GLYATL2: variants seen among roughly 807,000 people sequenced by gnomAD.
GLYATL2 encodes the protein glycine-N-acyltransferase like 2, also known as glycine N-acyltransferase-like protein 2.
GLYATL2 carries 25 observed loss-of-function variants against 21.4 expected under a neutral mutation model. That is an observed-to-expected ratio of 1.17 (90% confidence interval 0.85 to 1.63). The LOEUF (loss-of-function observed/expected upper bound fraction) is 1.63, where lower values mean the gene tolerates loss of function less well. Among genes scored for constraint, GLYATL2 ranks in the 40% most tolerant of loss-of-function variants. The pLI, the probability that GLYATL2 is intolerant of heterozygous loss-of-function variation, is 0.00. For synonymous variants in GLYATL2, 114 were observed against 118.2 expected (o/e 0.96, Z 0.23); for missense variants, 361 against 343.3 (o/e 1.05, Z -0.41).
Position 58,838,385 on chromosome 11 carries a change from C to A in GLYATL2, c.79-17G>T. ...GCCATATACCTACGATGCAACAGAACAAAGCAGGAGAGGATGAAGTTCTTC... is the reference window on the plus strand; with the variant it reads ...GCCATATACCTACGATGCAACAGAAAAAAGCAGGAGAGGATGAAGTTCTTC... On this transcript the variant is annotated splice_polypyrimidine_tract_variant and intron_variant, in intron 2 of 5. Transcript: ENST00000287275. The A allele has an allele frequency of 6.7e-7, 1 of 1,494,888 alleles. No individual in the cohort carries two copies. The highest frequency in any genetic ancestry group is 1.1e-5 in the South Asian group (1 of 88,106). The allele number at this position is 1,494,888 out of a possible 1,614,324, so 92.6% of individuals were successfully genotyped here.
rs1400341728 is a variant in GLYATL2 at position 58,855,876 on chromosome 11, C to T, written n.61-17508G>A. Among the ~76,000 whole-genome samples the T allele has an allele frequency of 2.6e-5, 4 of 152,160 alleles. 1 individual carries two copies. Among genetic ancestry groups the T allele is most frequent in the Admixed American group, 2.6e-4 (4 of 15,284 alleles). On this transcript the variant is annotated intron_variant and non_coding_transcript_variant, in intron 1 of 4. Coordinates refer to the GLYATL2 transcript ENST00000533636. ...TGGTGGCTCATGCCTGTAATCCCAG[C>T]TCTTTGGGAGGCTGAGTTTGGTGGA...
At chr11:58,849,283 GA>G (rs1490741198), upstream of GLYATL2, among the ~76,000 whole-genome samples, 1 of 152,098 alleles carries the variant, frequency 6.6e-6, no homozygotes, top group African/African-American at 2.4e-5. Context: ...CACACGAACA[GA>G]CAGAATATTA....
chr11:58,902,573 C>A (rs1854758289), intron 1 of GLYATL2, among the ~76,000 whole-genome samples: 1 of 152,140 alleles, frequency 6.6e-6, no homozygotes, highest in Admixed American at 6.5e-5. Flanking sequence ...ATGAAGGAAT[C>A]CCTTTCCATA....
intron 1 of GLYATL2, among the ~76,000 whole-genome samples, chr11:58,889,830 A>G (rs192836973): frequency 4.1e-4 from 63 of 152,276 alleles, no homozygotes; most frequent in Non-Finnish European, 8.2e-4. Flanking sequence ...TCCTTGCCAG[A>G]TTTGGCATTA....
At chr11:58,847,782 C>G (rs1421107043), upstream of GLYATL2, among the ~76,000 whole-genome samples, 1 of 152,188 alleles carries the variant, frequency 6.6e-6, no homozygotes, top group African/African-American at 2.4e-5. Flanking sequence ...GGGAAGCACA[C>G]AGGCCTTGCT....
chr11:58,839,178 G>T (rs548043444), intron 2 of GLYATL2, among the ~76,000 whole-genome samples: 54 of 152,192 alleles, frequency 3.5e-4, no homozygotes, highest in Non-Finnish European at 5.7e-4. Flanking sequence ...CTGCAAATTT[G>T]CTATGGCAAA....
At chr11:58,868,540 C>A (rs1277018934) in intron 1 of GLYATL2, among the ~76,000 whole-genome samples, 1 of 149,146 alleles carries the variant, frequency 6.7e-6, no homozygotes, top group Non-Finnish European at 1.5e-5. Flanking sequence ...ATTCAGCTGT[C>A]TTTCTTGGCA....
chr11:58,865,367 G>T (rs1342636650), intron 1 of GLYATL2, among the ~76,000 whole-genome samples: 1 of 148,850 alleles, frequency 6.7e-6, no homozygotes, highest in Non-Finnish European at 1.5e-5. Flanking sequence ...AGGACTTGTT[G>T]TTCAAGATAT....
chr11:58,888,291 T>C lies in GLYATL2; in HGVS notation n.60+15865A>G, dbSNP rs1421274977. ...TACTTGATTGATGGAGATTTTGACA[T>C]GAAGAAATTTTGAATTTTCATGTAA... On this transcript the variant is annotated intron_variant and non_coding_transcript_variant, in intron 1 of 4. Coordinates refer to the GLYATL2 transcript ENST00000533636. Among the ~76,000 whole-genome samples the C allele has an allele frequency of 4.6e-5, 7 of 152,240 alleles. No homozygotes were observed. The South Asian group carries it at 6.2e-4, about 14-fold the overall frequency.
At chr11:58,849,610 A>C (rs2134585389), upstream of GLYATL2, among the ~76,000 whole-genome samples, 1 of 152,354 alleles carries the variant, frequency 6.6e-6, no homozygotes, top group African/African-American at 2.4e-5. Context: ...AATTCTACCA[A>C]ACATTTAAAG....
chr11:58,853,893 T>C (rs1263139013), intron 1 of GLYATL2, among the ~76,000 whole-genome samples: 1 of 152,170 alleles, frequency 6.6e-6, no homozygotes, highest in Non-Finnish European at 1.5e-5. Flanking sequence ...TGCTGCACAA[T>C]AGATTTATTG....
upstream of GLYATL2, among the ~76,000 whole-genome samples, chr11:58,906,486 G>A (rs1339262735): frequency 6.6e-6 from 1 of 152,090 alleles, no homozygotes; most frequent in African/African-American, 2.4e-5. Flanking sequence ...TGTAGTGAGG[G>A]GGTGCTTTTT....
chr11:58,896,089 T>C (rs984786537), intron 1 of GLYATL2, among the ~76,000 whole-genome samples: 3 of 152,148 alleles, frequency 2.0e-5, no homozygotes, highest in Admixed American at 6.5e-5. Flanking sequence ...ACTTCTGACC[T>C]TGTGATCCAC....
chr11:58,871,303 C>G (rs1854114351), intron 1 of GLYATL2, among the ~76,000 whole-genome samples: 1 of 151,404 alleles, frequency 6.6e-6, no homozygotes, highest in Non-Finnish European at 1.5e-5. Flanking sequence ...TATTATTATA[C>G]TTTAAGTTTT....
intron 1 of GLYATL2, among the ~76,000 whole-genome samples, chr11:58,864,213 T>A (rs1274662158): frequency 6.6e-6 from 1 of 152,116 alleles, no homozygotes; most frequent in African/African-American, 2.4e-5. Flanking sequence ...GTGACTAAAG[T>A]TGCAGGGGCC....
At chr11:58,905,712 GGACCGGGA>G, upstream of GLYATL2, 1 of 428,144 alleles carries the variant, frequency 2.3e-6, no homozygotes, top group Non-Finnish European at 4.7e-6. Context: ...GGGATCGCTG[GGACCGGGA>G]TGGGTCATCT....
chr11:58,837,074 C>A lies in GLYATL2; in HGVS notation c.417G>T (p.Lys139Asn), dbSNP rs1853445282. ...TGTCATTACTTGAGGTCTTGTGTTT[C>A]TTTGGTAATTCCGGTATAAAGAGGA... ...KTILFIPELP[K>N]KHKTSSNDKM... Residue 139 changes from lysine to asparagine, a missense_variant, in exon 5 of 6, where the codon AAG becomes AAT. Transcript: ENST00000287275. 2 of 1,613,852 alleles carry A rather than the reference C, an allele frequency of 1.2e-6. No homozygotes were observed. The highest frequency in any genetic ancestry group is 4.5e-5 in the East Asian group (2 of 44,858).
At chr11:58,842,800 C>T (rs79504461) in intron 1 of GLYATL2, among the ~76,000 whole-genome samples, 2,075 of 152,248 alleles carry the variant, frequency 0.014, 23 homozygotes, top group South Asian at 0.046. Flanking sequence ...GCAAGAGGTG[C>T]TCCTTACAAC....
chr11:58,874,557 A>T (rs1854190534), intron 1 of GLYATL2, among the ~76,000 whole-genome samples: 1 of 152,210 alleles, frequency 6.6e-6, no homozygotes, highest in African/African-American at 2.4e-5. Flanking sequence ...CCCAGTAGTC[A>T]TTCAGGAGCA....
Sources: allele counts gnomAD v4.1 joint callset (sites outside exome capture counted in the v4.1 genomes callset), GRCh38; gene constraint gnomAD v4.1.1; transcripts MANE v1.5; gene names NCBI Gene and HGNC (gene_info 2026-07-23, HGNC 2026-07-21).